The following CHCHD3 variants were observed in gnomAD, a reference collection of about 807,000 sequenced individuals.
CHCHD3 encodes coiled-coil-helix-coiled-coil-helix domain containing 3.
In CHCHD3, 20 loss-of-function variants were observed where a neutral mutation model predicts 38.2. That is an observed-to-expected ratio of 0.52 (90% CI 0.37 to 0.76). CHCHD3 has a LOEUF of 0.76. Ranked by LOEUF, CHCHD3 falls within the 30% of genes least tolerant of loss-of-function variation. The probability of loss-of-function intolerance (pLI) is 0.00; values close to 1 mark genes in which losing one functional copy is unlikely to be tolerated. For synonymous variants in CHCHD3, 82 were observed against 100.0 expected (o/e 0.82, Z 1.07); for missense variants, 245 against 279.2 (o/e 0.88, Z 0.87).
intron 3 of CHCHD3, among the ~76,000 whole-genome samples, chr7:133,007,232 TA>T (rs1342648727): frequency 2.0e-5 from 3 of 152,094 alleles, no homozygotes; most frequent in African/African-American, 7.2e-5. Flanking sequence ...ACCAGGCTAA[TA>T]AAGAATTGAC....
chr7:132,798,820 T>G (rs1412321216), intron 6 of CHCHD3, among the ~76,000 whole-genome samples: 1 of 152,186 alleles, frequency 6.6e-6, no homozygotes, highest in African/African-American at 2.4e-5. Context: ...TCACCTCATG[T>G]TATGGACTCC....
chr7:132,844,276 C>T (rs1362351071), intron 5 of CHCHD3, among the ~76,000 whole-genome samples: 7 of 152,008 alleles, frequency 4.6e-5, no homozygotes, highest in Non-Finnish European at 8.8e-5. Flanking sequence ...CCAGCCTTGG[C>T]GACAGAGCAA....
intron 4 of CHCHD3, among the ~76,000 whole-genome samples, chr7:132,901,153 G>T (rs904047552): frequency 6.6e-6 from 1 of 152,168 alleles, no homozygotes; most frequent in Non-Finnish European, 1.5e-5. Context: ...CCCCAAACCC[G>T]TAGTGAGGGA....
At chr7:132,929,300 ACTCT>A (rs142881955) in intron 4 of CHCHD3, among the ~76,000 whole-genome samples, 8 of 146,564 alleles carry the variant, frequency 5.5e-5, no homozygotes, top group East Asian at 2.0e-4. Flanking sequence ...TCACTTCTTG[ACTCT>A]CTCTCTCTCT....
intron 4 of CHCHD3, among the ~76,000 whole-genome samples, chr7:132,898,753 G>A (rs1450074339): frequency 2.0e-5 from 3 of 152,246 alleles, no homozygotes; most frequent in African/African-American, 7.2e-5. Context: ...CTTGCCCCAC[G>A]GGAAGGCAGC....
In CHCHD3 at chr7:132,951,821, G is replaced by A. The variant is rs191569693; in HGVS notation, c.369+23348C>T. Among the ~76,000 whole-genome samples, 6 of 152,226 alleles carry A rather than the reference G, an allele frequency of 3.9e-5. No homozygotes were observed. The East Asian group carries it at 1.2e-3, about 29-fold the overall frequency. ...TGAAAATGCCATCTTGATTTCAGAG[G>A]AGAGGAAACTGAAGCTCAGGTAAGT... On this transcript the variant is annotated intron_variant, in intron 4 of 7. Transcript: ENST00000262570.
chr7:132,996,899 A>C (rs372140636), intron 3 of CHCHD3, among the ~76,000 whole-genome samples: 1 of 152,238 alleles, frequency 6.6e-6, no homozygotes, highest in Non-Finnish European at 1.5e-5. Context: ...TACTGCCTAC[A>C]TGCTACACAA....
chr7:133,080,256 C>CT (rs973650169), intron 1 of CHCHD3, among the ~76,000 whole-genome samples: 1 of 152,116 alleles, frequency 6.6e-6, no homozygotes, highest in Non-Finnish European at 1.5e-5. Flanking sequence ...AAGGACATTT[C>CT]TTTTTAAAAA....
intron 6 of CHCHD3, among the ~76,000 whole-genome samples, chr7:132,833,544 GT>G (rs1466738585): frequency 1.3e-5 from 2 of 152,092 alleles, no homozygotes; most frequent in African/African-American, 4.8e-5. Context: ...TCTTCCTTTT[GT>G]TTTTCTCTGA....
At chr7:132,852,621 C>T (rs1425035042) in intron 5 of CHCHD3, among the ~76,000 whole-genome samples, 2 of 152,124 alleles carry the variant, frequency 1.3e-5, no homozygotes, top group Non-Finnish European at 2.9e-5. Flanking sequence ...TGAGTGAATC[C>T]AGTTATTACC....
In CHCHD3 at chr7:133,069,502, T is replaced by C. The variant is rs548780346; in HGVS notation, c.169+640A>G. 2.7e-3 allele frequency among the ~76,000 whole-genome samples: 412 copies of C among 152,260 alleles called. 4 individuals are homozygous for C. The highest frequency in any genetic ancestry group is 6.9e-3 in the Admixed American group (105 of 15,288). On this transcript the variant is annotated intron_variant, in intron 2 of 7. Coordinates refer to ENST00000262570, the MANE Select transcript of CHCHD3 (RefSeq NM_017812.4). ...ATAAATAGCGTATCTATCCATCAAC[T>C]GGGCAGTATCAAGAACAGTGCTGGA...
chr7:132,789,133 C>A (rs1237113892), intron 7 of CHCHD3, among the ~76,000 whole-genome samples: 2 of 152,122 alleles, frequency 1.3e-5, no homozygotes, highest in East Asian at 3.9e-4. Flanking sequence ...TGTATTGGTT[C>A]CGTAAGTACT....
intron 6 of CHCHD3, among the ~76,000 whole-genome samples, chr7:132,817,940 A>G (rs564343447): frequency 1.3e-5 from 2 of 152,226 alleles, no homozygotes; most frequent in Middle Eastern, 6.8e-3. Flanking sequence ...AGAAAAAAGG[A>G]AAGCTTTGGA....
In CHCHD3 at chr7:132,838,484, T is replaced by A; in HGVS notation, c.454-15A>T. 6.3e-7 allele frequency: 1 copy of A among 1,587,956 alleles called. No homozygotes were observed. The highest frequency in any genetic ancestry group is 8.6e-7 in the Non-Finnish European group (1 of 1,159,572). ...AACTCTGAGCTCTGTGGACAAAGAT[T>A]GATAGCAAAGGTTTCACTATCCAAG... On this transcript the variant is annotated splice_polypyrimidine_tract_variant and intron_variant, in intron 5 of 7. Transcript: ENST00000262570.
intron 6 of CHCHD3, among the ~76,000 whole-genome samples, chr7:132,802,431 A>G (rs571396307): frequency 6.6e-6 from 1 of 152,244 alleles, no homozygotes; most frequent in South Asian, 2.1e-4. Flanking sequence ...ATCCCACTGT[A>G]TGGGCTCACC....
At chr7:133,032,347 T>C (rs1813526967) in intron 2 of CHCHD3, among the ~76,000 whole-genome samples, 1 of 152,164 alleles carries the variant, frequency 6.6e-6, no homozygotes. Flanking sequence ...GCATTAAAGT[T>C]AATGAAGATG....
chr7:132,941,540 C>T (rs563541723), intron 4 of CHCHD3, among the ~76,000 whole-genome samples: 2 of 152,292 alleles, frequency 1.3e-5, no homozygotes, highest in African/African-American at 4.8e-5. Context: ...TCCTCCTTTG[C>T]AGTCAATGTT....
intron 5 of CHCHD3, among the ~76,000 whole-genome samples, chr7:132,862,095 T>G (rs889060088): frequency 2.0e-5 from 3 of 149,968 alleles, no homozygotes; most frequent in African/African-American, 7.4e-5. Context: ...GATGGATGGA[T>G]GGATGGATGG....
At chr7:133,068,302 C>A (rs1012553228) in intron 2 of CHCHD3, among the ~76,000 whole-genome samples, 1 of 152,092 alleles carries the variant, frequency 6.6e-6, no homozygotes, top group African/African-American at 2.4e-5. Context: ...GTTACACTAT[C>A]CTAGGAGCTA....
Sources: allele counts gnomAD v4.1 joint callset (sites outside exome capture counted in the v4.1 genomes callset), GRCh38; gene constraint gnomAD v4.1.1; transcripts MANE v1.5; gene names NCBI Gene and HGNC (gene_info 2026-07-23, HGNC 2026-07-21).